The following IQSEC1 variants were observed in gnomAD, a reference collection of about 807,000 sequenced individuals.
IQSEC1 encodes IQ motif and Sec7 domain ArfGEF 1.
IQSEC1 carries 31 observed loss-of-function variants against 91.0 expected under a neutral mutation model. That is an observed-to-expected ratio of 0.34 (90% confidence interval 0.26 to 0.46). IQSEC1 has a LOEUF of 0.46. Among genes scored for constraint, IQSEC1 ranks in the 20% least tolerant of loss-of-function variants. The probability of loss-of-function intolerance (pLI) is 1.00; values close to 1 mark genes in which losing one functional copy is unlikely to be tolerated. For synonymous variants in IQSEC1, 699 were observed against 662.6 expected (o/e 1.05, Z -0.84); for missense variants, 1,388 against 1,575.6 (o/e 0.88, Z 2.02).
At chr3:13,045,936 C>T (rs1292469541) in intron 1 of IQSEC1, among the ~76,000 whole-genome samples, 1 of 152,218 alleles carries the variant, frequency 6.6e-6, no homozygotes, top group Non-Finnish European at 1.5e-5. Context: ...TGTGTTCACC[C>T]ATGTGCAAAA....
At chr3:13,116,230 G>C (rs1706332579) in intron 2 of IQSEC1, among the ~76,000 whole-genome samples, 1 of 152,232 alleles carries the variant, frequency 6.6e-6, no homozygotes, top group African/African-American at 2.4e-5. Context: ...TCAGGGCCCA[G>C]GGGCAGCCGA....
At chr3:13,240,622 G>C (rs1288366546) in intron 1 of IQSEC1, among the ~76,000 whole-genome samples, 5 of 152,102 alleles carry the variant, frequency 3.3e-5, no homozygotes, top group African/African-American at 1.2e-4. Flanking sequence ...GCCCCTCAGC[G>C]CCACCCTCAC....
At chr3:13,275,985 G>T (rs1366088166) in intron 1 of IQSEC1, among the ~76,000 whole-genome samples, 1 of 151,978 alleles carries the variant, frequency 6.6e-6, no homozygotes, top group Non-Finnish European at 1.5e-5. Context: ...AATCCAGGGG[G>T]ACAGTGTTCT....
intron 12 of IQSEC1, among the ~76,000 whole-genome samples, chr3:12,904,875 T>G (rs1694803235): frequency 6.6e-6 from 1 of 152,194 alleles, no homozygotes; most frequent in Non-Finnish European, 1.5e-5. Flanking sequence ...TGTCCCCACC[T>G]GGAGTTGAAC....
chr3:12,929,926 C>T (rs1271748405), intron 3 of IQSEC1, among the ~76,000 whole-genome samples: 4 of 152,234 alleles, frequency 2.6e-5, no homozygotes, highest in African/African-American at 9.6e-5. Context: ...CTTTTCCTCA[C>T]ATCAGATGAC....
intron 1 of IQSEC1, among the ~76,000 whole-genome samples, chr3:13,048,209 C>A (rs1227498983): frequency 6.6e-6 from 1 of 152,234 alleles, no homozygotes; most frequent in African/African-American, 2.4e-5. Context: ...AAAAGCAGAT[C>A]TCTCACAGGG....
chr3:13,176,446 G>A (rs960431657), intron 1 of IQSEC1, among the ~76,000 whole-genome samples: 1 of 152,140 alleles, frequency 6.6e-6, no homozygotes, highest in African/African-American at 2.4e-5. Flanking sequence ...CTGACCCTTG[G>A]GAGCCTCTGC....
intron 1 of IQSEC1, among the ~76,000 whole-genome samples, chr3:13,220,189 G>A (rs542253904): frequency 3.4e-4 from 52 of 152,362 alleles, no homozygotes; most frequent in South Asian, 1.0e-3. Context: ...GGCAGTGGCC[G>A]GGCCAGGTGG....
intron 1 of IQSEC1, among the ~76,000 whole-genome samples, chr3:13,024,352 C>T (rs1449652063): frequency 8.1e-5 from 12 of 148,752 alleles, no homozygotes; most frequent in African/African-American, 3.0e-4. Flanking sequence ...CCCTCACCCG[C>T]ACATACACCC....
intron 2 of IQSEC1, among the ~76,000 whole-genome samples, chr3:13,108,237 C>T (rs909476314): frequency 2.6e-5 from 4 of 152,298 alleles, no homozygotes; most frequent in East Asian, 1.9e-4. Context: ...TTTCTAACAA[C>T]GCCCTTATAC....
At chr3:13,141,348 G>A (rs925683047) in intron 2 of IQSEC1, among the ~76,000 whole-genome samples, 4 of 152,194 alleles carry the variant, frequency 2.6e-5, no homozygotes, top group Non-Finnish European at 5.9e-5. Flanking sequence ...AGAGATGTGC[G>A]GCCCAGGATG....
chr3:13,196,692 G>C (rs916117792), intron 1 of IQSEC1, among the ~76,000 whole-genome samples: 1 of 152,192 alleles, frequency 6.6e-6, no homozygotes, highest in Non-Finnish European at 1.5e-5. Flanking sequence ...AAATCTTTCA[G>C]TGAATGAATA....
intron 1 of IQSEC1, among the ~76,000 whole-genome samples, chr3:13,280,133 C>T (rs533298320): frequency 5.3e-5 from 8 of 152,176 alleles, no homozygotes; most frequent in Non-Finnish European, 1.0e-4. Context: ...CCTGAGGCTA[C>T]GAGGGGTAGT....
intron 2 of IQSEC1, among the ~76,000 whole-genome samples, chr3:13,104,634 C>A (rs1050908073): frequency 6.6e-6 from 1 of 152,222 alleles, no homozygotes; most frequent in African/African-American, 2.4e-5. Context: ...CTCCCTCCCC[C>A]ACCTCTCCCC....
intron 1 of IQSEC1, among the ~76,000 whole-genome samples, chr3:13,040,003 G>T (rs1704191828): frequency 6.6e-6 from 1 of 152,232 alleles, no homozygotes; most frequent in Admixed American, 6.5e-5. Flanking sequence ...TCCACTTCGT[G>T]GCATTAGCGC....
chr3:13,199,394 C>A (rs541439607), intron 1 of IQSEC1, among the ~76,000 whole-genome samples: 6 of 152,216 alleles, frequency 3.9e-5, no homozygotes, highest in Non-Finnish European at 7.4e-5. Flanking sequence ...TCCTAGGGCA[C>A]CCCCTGGGAC....
chr3:13,109,450 G>C (rs1174643268), intron 2 of IQSEC1, among the ~76,000 whole-genome samples: 2 of 152,114 alleles, frequency 1.3e-5, no homozygotes, highest in Non-Finnish European at 2.9e-5. Flanking sequence ...ACTGCTTAAA[G>C]AAACTGCACC....
chr3:13,057,136 C>T (rs532829976), intron 1 of IQSEC1, among the ~76,000 whole-genome samples: 45 of 152,170 alleles, frequency 3.0e-4, no homozygotes, highest in Non-Finnish European at 5.4e-4. Flanking sequence ...AGGCCTTATC[C>T]TGACTGCAAT....
intron 3 of IQSEC1, among the ~76,000 whole-genome samples, chr3:12,927,391 C>G (rs1173741413): frequency 1.3e-5 from 2 of 149,946 alleles, no homozygotes; most frequent in Non-Finnish European, 3.0e-5. Context: ...CTGGTCCCTT[C>G]CCCACACAGG....
Sources: gnomAD v4.1 joint callset for allele counts (sites outside exome capture counted in the v4.1 genomes callset) on GRCh38, gnomAD v4.1.1 for gene constraint, MANE v1.5 for transcripts, NCBI Gene and HGNC (gene_info 2026-07-23, HGNC 2026-07-21) for gene names.